Variants in TMEM184B observed in about 807,000 individuals in gnomAD.
TMEM184B encodes the protein transmembrane protein 184B, also known as putative MAPK-activating protein FM08.
A neutral mutation model predicts 41.8 loss-of-function variants in TMEM184B; 17 were observed. The observed-to-expected ratio is 0.41, with a 90% CI of 0.28 to 0.61. The LOEUF is 0.61. TMEM184B is among the 20% of genes least tolerant of loss of function. TMEM184B has a pLI of 0.34. For synonymous variants in TMEM184B, 240 were observed against 229.5 expected (o/e 1.05, Z -0.41); for missense variants, 393 against 557.8 (o/e 0.70, Z 2.98).
intron 1 of TMEM184B, among the ~76,000 whole-genome samples, chr22:38,253,442 T>C (rs1464354602): frequency 6.6e-6 from 1 of 151,630 alleles, no homozygotes. Flanking sequence ...TAGTGGCATG[T>C]GCCTGTAATC....
chr22:38,226,078 T>TC lies in TMEM184B; in HGVS notation c.618-486_618-485insG, dbSNP rs1293843952. Among the ~76,000 whole-genome samples, 1 of 144,034 alleles carries TC rather than the reference T, an allele frequency of 6.9e-6. No homozygotes were observed. Among genetic ancestry groups the TC allele is most frequent in the East Asian group, 2.0e-4 (1 of 5,032 alleles). The allele number at this position is 144,034 out of a possible 152,430, so 94.5% of individuals were successfully genotyped here. ...GCACAGGGCTAGACACATGGTCACT[T>TC]TTTTTTTTTTTTTTTTTAGATATGG... On this transcript the variant is annotated intron_variant, in intron 6 of 8. Coordinates refer to ENST00000361906, the MANE Select transcript of TMEM184B (RefSeq NM_012264.5). This position sits in a 1 kb window ranked among gnomAD's most constrained non-coding sequence, Gnocchi z 4.6.
At chr22:38,230,527 A>G (rs892224648) in intron 5 of TMEM184B, 142 bp downstream of exon 5, 1 of 765,258 alleles carries the variant, frequency 1.3e-6, no homozygotes, top group Non-Finnish European at 2.2e-6. Context: ...TCTGCCTAAC[A>G]GCTTCGGGGG....
intron 1 of TMEM184B, among the ~76,000 whole-genome samples, chr22:38,257,406 C>T (rs566810446): frequency 1.4e-4 from 21 of 152,176 alleles, no homozygotes; most frequent in Admixed American, 1.3e-3. Context: ...AAATGAGTAA[C>T]CCGATTTAGA....
intron 3 of TMEM184B, among the ~76,000 whole-genome samples, chr22:38,234,758 T>A (rs896475121): frequency 6.6e-6 from 1 of 152,108 alleles, no homozygotes; most frequent in South Asian, 2.1e-4. Context: ...GCCTGATCCC[T>A]CCGGCACAAA....
chr22:38,256,978 T>G (rs904891793), intron 1 of TMEM184B, among the ~76,000 whole-genome samples: 6 of 124,014 alleles, frequency 4.8e-5, no homozygotes, highest in Non-Finnish European at 8.1e-5. Context: ...ACATTAATAG[T>G]TTTTTTTTTT....
intron 2 of TMEM184B, chr22:38,246,842 T>C (rs745626154): frequency 7.7e-7 from 1 of 1,302,436 alleles, no homozygotes; most frequent in Non-Finnish European, 1.0e-6. Flanking sequence ...GGGTGTCTCG[T>C]CCCAGCTCTC....
chr22:38,267,496 A>C (rs2145788428), intron 1 of TMEM184B, among the ~76,000 whole-genome samples: 2 of 148,404 alleles, frequency 1.3e-5, no homozygotes, highest in South Asian at 4.2e-4. Context: ...GCAATGGCGT[A>C]GTCTCAGCTC....
chr22:38,272,816 AG>A (rs1318438493), intron 1 of TMEM184B, 67 bp downstream of exon 1: 1 of 977,104 alleles, frequency 1.0e-6, no homozygotes. Context: ...CGAAACAAGC[AG>A]CCCCCCGCGC....
intron 3 of TMEM184B, chr22:38,231,551 T>C (rs2091622726): frequency 1.5e-6 from 1 of 675,750 alleles, no homozygotes; most frequent in Non-Finnish European, 2.7e-6. Context: ...TAAATTATCT[T>C]ATCCCGGGAT....
At chr22:38,240,401 CAAAAACA>C (rs1221927179) in intron 3 of TMEM184B, among the ~76,000 whole-genome samples, 2 of 151,620 alleles carry the variant, frequency 1.3e-5, no homozygotes, top group Admixed American at 1.3e-4. Context: ...AACAAACAAT[CAAAAACA>C]AAAAACAAAA....
At position 38,220,441 on chromosome 22, in the gene TMEM184B, G is replaced by A. The variant is rs980687026; in HGVS notation, c.*1028C>T. ...TAGAACACCAGGCCCTGTGTGGATA[G>A]GGGCCCCGAGAGGAGTCTGGGACCA... On this transcript the variant is annotated 3_prime_UTR_variant, in exon 9 of 9. Coordinates refer to ENST00000361906, the MANE Select transcript of TMEM184B (RefSeq NM_012264.5). 16 of 985,898 alleles carry A rather than the reference G, an allele frequency of 1.6e-5. No individual in the cohort carries two copies. Among genetic ancestry groups the A allele is most frequent in the Non-Finnish European group, 1.9e-5 (16 of 829,970 alleles). 61.1% of individuals were successfully genotyped at this position (985,898 alleles called of 1,614,324 possible).
At position 38,273,000 on chromosome 22, in the gene TMEM184B, C is replaced by T. The variant is rs557946558; in HGVS notation, c.-175G>A. On this transcript the variant is annotated 5_prime_UTR_variant, in exon 1 of 9. Transcript: ENST00000361906. ...TCCGCCGCCGCCGGCGCGTCCCGGG[C>T]CCAGTGGAGTGCAGCCGCGGCGCGC... is the stretch of plus-strand genomic sequence containing the variant. 1,075 of 182,102 alleles carry T rather than the reference C, an allele frequency of 5.9e-3. 14 individuals are homozygous for T. The highest frequency in any genetic ancestry group is 0.024 in the African/African-American group (1,027 of 41,972). 11.3% of individuals were successfully genotyped at this position (182,102 alleles called of 1,614,324 possible). A position where few individuals can be genotyped will look rare whatever the true frequency, so the allele number is the denominator to read the frequency against.
Position 38,272,961 on chromosome 22 carries a change from G to A in TMEM184B, c.-136C>T. ...CTCTGCGGGCGGGGCGGGCGGCGCCGCAGCCCCGGAGTCTCCGCCGCCGCC... is the reference window on the plus strand; with the variant it reads ...CTCTGCGGGCGGGGCGGGCGGCGCCACAGCCCCGGAGTCTCCGCCGCCGCC... On this transcript the variant is annotated 5_prime_UTR_variant, in exon 1 of 9. Transcript: ENST00000361906. The A allele has an allele frequency of 8.8e-6, 3 of 339,260 alleles. No homozygotes were observed. The highest frequency in any genetic ancestry group is 1.2e-5 in the Non-Finnish European group (3 of 240,066). The allele number at this position is 339,260 out of a possible 1,614,324, so 21.0% of individuals were successfully genotyped here. A position where few individuals can be genotyped will look rare whatever the true frequency, so the allele number is the denominator to read the frequency against.
intron 3 of TMEM184B, among the ~76,000 whole-genome samples, chr22:38,236,194 C>G (rs1002795065): frequency 1.3e-5 from 2 of 152,212 alleles, no homozygotes; most frequent in African/African-American, 4.8e-5. Flanking sequence ...GGAACTCCTC[C>G]ATCGTTGGAA....
chr22:38,221,860 A>G, intron 8 of TMEM184B, 150 bp from the exon 9 acceptor site: 1 of 1,161,532 alleles, frequency 8.6e-7, no homozygotes, highest in Non-Finnish European at 1.2e-6. Flanking sequence ...AATGGGGTCC[A>G]GGATATGAGA....
intron 1 of TMEM184B, among the ~76,000 whole-genome samples, chr22:38,271,128 G>A (rs1211757801): frequency 6.6e-6 from 1 of 152,178 alleles, no homozygotes; most frequent in Admixed American, 6.5e-5. Flanking sequence ...GGAATTCACA[G>A]CGCCTTCTCC....
rs141270389 is a variant in TMEM184B at position 38,219,528 on chromosome 22, T to TA, written c.*1940dup. 355 of 887,818 alleles carry TA rather than the reference T, an allele frequency of 4.0e-4. No individual in the cohort carries two copies. Among genetic ancestry groups the TA allele is most frequent in the South Asian group, 4.8e-4 (9 of 18,918 alleles). The allele number at this position is 887,818 out of a possible 1,614,324, so 55.0% of individuals were successfully genotyped here. ...GAGCTACTCTACCTGGAAAGAAAAT[T>TA]AAAAAAAAAAAAGACAAGGTAGGTT... On this transcript the variant is annotated 3_prime_UTR_variant, in exon 9 of 9. Transcript: ENST00000361906.
At chr22:38,233,089 C>A (rs1423787105) in intron 3 of TMEM184B, among the ~76,000 whole-genome samples, 1 of 152,258 alleles carries the variant, frequency 6.6e-6, no homozygotes, top group Non-Finnish European at 1.5e-5. Context: ...ACTGACTGAA[C>A]TGGAGCGTGG....
At chr22:38,259,357 A>G (rs2092334015) in intron 1 of TMEM184B, among the ~76,000 whole-genome samples, 1 of 152,140 alleles carries the variant, frequency 6.6e-6, no homozygotes, top group South Asian at 2.1e-4. Context: ...GCTACCTTAC[A>G]TGGCAAAAGG....
Sources: gnomAD v4.1 joint callset for allele counts (sites outside exome capture counted in the v4.1 genomes callset) on GRCh38, gnomAD v4.1.1 for gene constraint, Gnocchi (gnomAD v3.1) non-coding constraint, MANE v1.5 for transcripts, NCBI Gene and HGNC (gene_info 2026-07-23, HGNC 2026-07-21) for gene names.